The following PHKA2 variants were observed in gnomAD, a reference collection of about 807,000 sequenced individuals.
PHKA2 encodes phosphorylase kinase regulatory subunit alpha 2, also known as phosphorylase b kinase regulatory subunit alpha, liver isoform.
A neutral mutation model predicts 102.0 loss-of-function variants in PHKA2; 31 were observed. The observed-to-expected ratio is 0.30, with a 90% CI of 0.23 to 0.41. The LOEUF (loss-of-function observed/expected upper bound fraction) is 0.41. Ranked by LOEUF, PHKA2 falls within the 10% of genes least tolerant of loss-of-function variation. PHKA2 has a pLI of 1.00. For synonymous variants in PHKA2, 455 were observed against 416.2 expected, an observed-to-expected ratio of 1.09 and a Z score of -1.13; for missense variants, 858 against 1,023.1, an observed-to-expected ratio of 0.84 and a Z score of 2.20.
intron 11 of PHKA2, among the ~76,000 whole-genome samples, chrX:18,934,887 C>T (rs1042685132): frequency 1.8e-5 from 2 of 112,512 alleles, no homozygotes; most frequent in Non-Finnish European, 3.8e-5. Flanking sequence ...GGCCCCAGGG[C>T]GGAGCCCAGT....
In PHKA2 at chrX:18,898,606, T is replaced by G. The variant is rs149810874; in HGVS notation, c.3111+567A>C. ...AGTTGGATTTCAACAGATCTTATTT[T>G]GAAAAGGCAGTTCGGCTGGGTTATT... On this transcript the variant is annotated intron_variant, in intron 29 of 32. Coordinates refer to ENST00000379942, the MANE Select transcript of PHKA2 (RefSeq NM_000292.3). Among the ~76,000 whole-genome samples the G allele has an allele frequency of 8.7e-3, 984 of 112,793 alleles. 13 individuals carry two copies. Among genetic ancestry groups the G allele is most frequent in the African/African-American group, 0.029 (910 of 31,097 alleles).
At position 18,945,100 on chromosome X, in the gene PHKA2, G is replaced by A; in HGVS notation, c.596C>T (p.Ala199Val). Residue 199 changes from alanine (A) to valine (V), a missense_variant, in exon 6 of 33, where the codon GCA (alanine) becomes GTA (valine). This residue lies in a region of PHKA2 where 187 missense variants were observed against 277.9 expected (regional missense o/e 0.67). Transcript: ENST00000379942. The stretch of plus-strand genomic sequence containing the variant: ...CACCTTGGCCATTCCTACGGAGCTT[G>A]CATTCAATTCCGGGATGCCCTGATT... Reference protein sequence around the residue: ...KTNQGIPELNASSVGMAKAAL... With the variant: ...KTNQGIPELNVSSVGMAKAAL... 5.0e-6 allele frequency: 6 copies of A among 1,198,898 alleles called. No homozygotes were observed. Among genetic ancestry groups the A allele is most frequent in the Non-Finnish European group, 6.8e-6 (6 of 883,539 alleles).
intron 2 of PHKA2, among the ~76,000 whole-genome samples, chrX:18,952,972 A>C (rs957922737): frequency 8.9e-6 from 1 of 112,547 alleles, no homozygotes; most frequent in Non-Finnish European, 1.9e-5. Context: ...TAAAGCTCTA[A>C]CAAAATGCAA....
rs1569299474 is a variant in PHKA2 at position 18,908,951 on chromosome X, C to CAGA, written c.2227-20_2227-18dup. 9.9e-6 allele frequency: 12 copies of CAGA among 1,209,048 alleles called. No individual in the cohort carries two copies. Among genetic ancestry groups the CAGA allele is most frequent in the Non-Finnish European group, 1.1e-5 (10 of 894,570 alleles). ...TTCAGGAACCTGTTCATACAAGAGC[C>CAGA]AGAAAGCAGGGAGATGGGCTAGGCA... On this transcript the variant is annotated splice_polypyrimidine_tract_variant and intron_variant, in intron 20 of 32. Transcript: ENST00000379942.
At chrX:18,900,073 G>C (rs2047652112) in intron 28 of PHKA2, among the ~76,000 whole-genome samples, 1 of 111,386 alleles carries the variant, frequency 9.0e-6, no homozygotes, top group African/African-American at 3.3e-5. Context: ...TTCCCTACTT[G>C]GAAACAGCAT....
chrX:18,948,853 G>C (rs1312348578), intron 4 of PHKA2, 27 bp from the exon 5 acceptor site: 1 of 1,002,697 alleles, frequency 1.0e-6, no homozygotes, highest in African/African-American at 1.9e-5. Flanking sequence ...ATGAGGTTAT[G>C]AAGCCATGTT....
intron 1 of PHKA2, among the ~76,000 whole-genome samples, chrX:18,980,733 G>A (rs1050044748): frequency 3.6e-5 from 4 of 111,541 alleles, no homozygotes; most frequent in African/African-American, 6.5e-5. Context: ...GCTGAGCGCC[G>A]GTCTCCTGGG....
At chrX:18,894,028 G>A (rs1400173656) in intron 32 of PHKA2, 176 bp downstream of exon 32, 1 of 502,342 alleles carries the variant, frequency 2.0e-6, no homozygotes, top group Non-Finnish European at 3.5e-6. Context: ...ATCCCCAAAG[G>A]TCTTGAGATT....
chrX:18,939,913 A>C, intron 9 of PHKA2, 82 bp downstream of exon 9: 2 of 694,160 alleles, frequency 2.9e-6, no homozygotes, highest in Non-Finnish European at 4.7e-6. Context: ...ATAAAATTAT[A>C]ATCAGCAGAG....
chrX:18,951,120 G>A lies in PHKA2; in HGVS notation c.438C>T (p.Ala146=), dbSNP rs780382742. Residue 146 remains alanine (A), a synonymous_variant, in exon 4 of 33, where the codon GCC becomes GCT. Coordinates refer to ENST00000379942, the MANE Select transcript of PHKA2 (RefSeq NM_000292.3). The stretch of plus-strand genomic sequence containing the variant: ...CCAGCTCACCTGAGGCGGTCATCTG[G>A]GCCAGGAACAGGAGGAAGAGAGAGG... ...DATSLFLLFL[A]QMTASGLRII... The A allele has an allele frequency of 5.0e-6, 6 of 1,211,716 alleles. No homozygotes were observed. In the East Asian group the frequency reaches 1.2e-4, roughly 24 times the overall value.
chrX:18,939,122 C>T (rs1451209521), intron 9 of PHKA2, among the ~76,000 whole-genome samples: 1 of 112,356 alleles, frequency 8.9e-6, no homozygotes, highest in Non-Finnish European at 1.9e-5. Context: ...GTGTGAGCCA[C>T]AGAACCAGTT....
intron 30 of PHKA2, chrX:18,896,710 T>C: frequency 5.1e-6 from 1 of 195,228 alleles, no homozygotes. Flanking sequence ...TCCAGGCCTG[T>C]AGGTGCTGCT....
chrX:18,950,721 A>G (rs1465907754), intron 4 of PHKA2, among the ~76,000 whole-genome samples: 1 of 112,921 alleles, frequency 8.9e-6, no homozygotes, highest in Non-Finnish European at 1.9e-5. Flanking sequence ...AGGTGGGGCC[A>G]TAAGAGGCGA....
At position 18,940,058 on chromosome X, in the gene PHKA2, G is replaced by C. The variant is rs1391011687; in HGVS notation, c.865-10C>G. ...AGCATCCATAACGCCCCTAATAAGA[G>C]AAAGTACATTCGATGAGCTCAGAGA... On this transcript the variant is annotated splice_polypyrimidine_tract_variant and intron_variant, in intron 8 of 32. Coordinates refer to ENST00000379942, the MANE Select transcript of PHKA2 (RefSeq NM_000292.3). 4 of 1,178,586 alleles carry C rather than the reference G, an allele frequency of 3.4e-6. No homozygotes were observed. Among genetic ancestry groups the C allele is most frequent in the Non-Finnish European group, 4.6e-6 (4 of 865,334 alleles).
intron 12 of PHKA2, among the ~76,000 whole-genome samples, chrX:18,929,597 C>T (rs943635314): frequency 1.8e-5 from 2 of 111,790 alleles, no homozygotes; most frequent in African/African-American, 6.5e-5. Flanking sequence ...AGTAACATGC[C>T]AGGCATTGTG....
Position 18,905,807 on chromosome X carries a change from A to G in PHKA2, c.2859T>C (p.Asn953=). 1 of 1,208,510 alleles carries G rather than the reference A, an allele frequency of 8.3e-7. No homozygotes were observed. The highest frequency in any genetic ancestry group is 1.8e-5 in the South Asian group (1 of 56,901). ...TCCCACTTAGAATATGGTGCAGGAG[A>G]TTTTTCATATCGAAAGGGCTGAGGT... is the stretch of plus-strand genomic sequence containing the variant. ...LMNLSPFDMK[N]LLHHILSGKE... is the part of the protein sequence containing the mutation. The change falls in exon 26 of 33, where the codon AAT becomes AAC. Residue 953 remains asparagine (N), a synonymous_variant. Coordinates refer to ENST00000379942, the MANE Select transcript of PHKA2 (RefSeq NM_000292.3).
rs1382198819 is a variant in PHKA2 at position 18,916,603 on chromosome X, T to C, written c.2137+2078A>G. On this transcript the variant is annotated intron_variant, in intron 19 of 32. Transcript: ENST00000379942. Reference sequence around the variant, plus strand: ...GCCATCCCCTTGGTGATAAGTGAGCTCTCACTCTGAGTTCACAAGGGATAT... The same window carrying C: ...GCCATCCCCTTGGTGATAAGTGAGCCCTCACTCTGAGTTCACAAGGGATAT... Among the ~76,000 whole-genome samples the C allele has an allele frequency of 3.6e-5, 4 of 111,715 alleles. No individual in the cohort carries two copies. The East Asian group carries it at 1.1e-3, about 31-fold the overall frequency.
At chrX:18,901,007 AT>A (rs747588302) in intron 27 of PHKA2, among the ~76,000 whole-genome samples, 2,049 of 90,635 alleles carry the variant, frequency 0.023, 15 homozygotes, top group East Asian at 0.043. Context: ...GTTCAAAAGG[AT>A]TTTTTTTTTT....
rs191257659 is a variant in PHKA2, at chrX:18,941,108, G to C, written c.864+421C>G. Among the ~76,000 whole-genome samples the C allele has an allele frequency of 1.1e-4, 12 of 112,335 alleles. No homozygotes were observed. In the East Asian group the frequency reaches 3.4e-3, roughly 32 times the overall value. On this transcript the variant is annotated intron_variant, in intron 8 of 32. Transcript: ENST00000379942. The stretch of plus-strand genomic sequence containing the variant: ...CTCAGTTTAGTGTATCACGGTTACT[G>C]CATTTCACCTCAAAACAGGGATTAT...
Sources: gnomAD v4.1 joint callset for allele counts (sites outside exome capture counted in the v4.1 genomes callset) on GRCh38, gnomAD v4.1.1 for gene constraint, gnomAD v4.1.1 regional missense constraint, MANE v1.5 for transcripts, NCBI Gene and HGNC (gene_info 2026-07-23, HGNC 2026-07-21) for gene names.